Variants in ATG4B observed in about 807,000 individuals in gnomAD.
The protein encoded by ATG4B is cysteine protease ATG4B.
In ATG4B, 29 loss-of-function variants were observed where a neutral mutation model predicts 56.6. That is an observed-to-expected ratio of 0.51 (90% CI 0.38 to 0.70). ATG4B has a LOEUF of 0.70. Ranked by LOEUF, ATG4B falls within the 30% of genes least tolerant of loss-of-function variation. The probability of loss-of-function intolerance (pLI) is 0.00; values close to 1 mark genes in which losing one functional copy is unlikely to be tolerated. For synonymous variants in ATG4B, 224 were observed against 206.1 expected, an observed-to-expected ratio of 1.09 and a Z score of -0.74; for missense variants, 461 against 515.5, an observed-to-expected ratio of 0.89 and a Z score of 1.02.
intron 7 of ATG4B, among the ~76,000 whole-genome samples, chr2:241,660,296 A>G (rs1478592347): frequency 6.6e-6 from 1 of 152,330 alleles, no homozygotes; most frequent in East Asian, 1.9e-4. Context: ...AGGTCACCAC[A>G]CAGGTGTGTG....
intron 8 of ATG4B, 69 bp downstream of exon 8, chr2:241,666,907 C>CTCGTCGTCACGTG (rs1249537213): frequency 4.0e-6 from 6 of 1,493,514 alleles, no homozygotes; most frequent in Non-Finnish European, 5.4e-6. Context: ...TCACTTTCAG[C>CTCGTCGTCACGTG]GCATCGTCGT....
At chr2:241,660,303 T>A (rs1242394289) in intron 7 of ATG4B, among the ~76,000 whole-genome samples, 4 of 152,234 alleles carry the variant, frequency 2.6e-5, no homozygotes, top group Non-Finnish European at 5.9e-5. Context: ...CACACAGGTG[T>A]GTGCTGGGTC....
rs573649855 is a variant in ATG4B, at chr2:241,671,609, C to T, written c.1108+204C>T. ...GCGCCCAGCAGCCCAGGACCCACCTCGTCTTCCCCACCAGCGCTGCCTGCC... is the reference window on the plus strand; with the variant it reads ...GCGCCCAGCAGCCCAGGACCCACCTTGTCTTCCCCACCAGCGCTGCCTGCC... On this transcript the variant is annotated intron_variant, in intron 12 of 12. Transcript: ENST00000404914. 178 of 1,496,700 alleles carry T rather than the reference C, an allele frequency of 1.2e-4. No homozygotes were observed. The African/African-American group carries it at 2.0e-3, about 17-fold the overall frequency. 92.7% of individuals were successfully genotyped at this position (1,496,700 alleles called of 1,614,324 possible).
chr2:241,668,141 A>G lies in ATG4B; in HGVS notation c.733-2A>G. 2 of 1,595,884 alleles carry G rather than the reference A, an allele frequency of 1.3e-6. No individual in the cohort carries two copies. Among genetic ancestry groups the G allele is most frequent in the Non-Finnish European group, 8.5e-7 (1 of 1,171,884 alleles). On this transcript the variant is annotated splice_acceptor_variant, in intron 8 of 12. Coordinates refer to ENST00000404914, the MANE Select transcript of ATG4B (RefSeq NM_013325.5). LOFTEE classifies it high-confidence loss of function. This position sits in a 1 kb window ranked among gnomAD's most constrained non-coding sequence, Gnocchi z 4.2. ...TGTGCTCAGTCCCCCGCCCCTCCAC[A>G]GCACTGCTTCATGATGCCCCAGTCC...
rs1025609271 is a variant in ATG4B at position 241,672,581 on chromosome 2, C to T, written c.*317C>T. On this transcript the variant is annotated 3_prime_UTR_variant, in exon 13 of 13. Coordinates refer to ENST00000404914, the MANE Select transcript of ATG4B (RefSeq NM_013325.5). The stretch of plus-strand genomic sequence containing the variant: ...GGCCTCAGTCCCACTTGCTCCCAGG[C>T]GCCGGTTCTGTGGTTGGTTTGGAAT... The T allele has an allele frequency of 1.6e-5, 6 of 381,820 alleles. No individual in the cohort carries two copies. Among genetic ancestry groups the T allele is most frequent in the South Asian group, 1.1e-4 (3 of 26,478 alleles). 23.7% of individuals were successfully genotyped at this position (381,820 alleles called of 1,614,324 possible).
Position 241,671,333 on chromosome 2 carries a change from C to T in ATG4B, c.1036C>T (p.Leu346=), listed in dbSNP as rs1166556958. Residue 346 remains leucine, a synonymous_variant, in exon 12 of 13, where the codon CTG becomes TTG. Coordinates refer to ENST00000404914, the MANE Select transcript of ATG4B (RefSeq NM_013325.5). The part of the protein sequence containing the change: ...VKKLSLLGGA[L]PMFELVELQP... Reference sequence around the variant, plus strand: ...ACAGCTGTCTCTGCTTGGAGGTGCCCTGCCCATGTTTGAGCTGGTGGAGCT... The same window carrying T: ...ACAGCTGTCTCTGCTTGGAGGTGCCTTGCCCATGTTTGAGCTGGTGGAGCT... 1.1e-5 allele frequency: 17 copies of T among 1,613,428 alleles called. No homozygotes were observed. Among genetic ancestry groups the T allele is most frequent in the Non-Finnish European group, 1.4e-5 (16 of 1,179,772 alleles).
In ATG4B at chr2:241,671,553, T is replaced by C. The variant is rs1209828862; in HGVS notation, c.1108+148T>C. 4.0e-5 allele frequency: 62 copies of C among 1,535,820 alleles called. No individual in the cohort carries two copies. In the Admixed American group the frequency reaches 1.2e-3, roughly 30 times the overall value. ...GCAGTGGTTCGCCTGTGAGACCAGGTATGGAGTGGAGCGTCCCCTCCTCCA... is the reference window on the plus strand; with the variant it reads ...GCAGTGGTTCGCCTGTGAGACCAGGCATGGAGTGGAGCGTCCCCTCCTCCA... On this transcript the variant is annotated intron_variant, in intron 12 of 12. Coordinates refer to ENST00000404914, the MANE Select transcript of ATG4B (RefSeq NM_013325.5).
rs1464856062 is a variant in ATG4B, at chr2:241,664,002, GTTTCACCATA to G, written c.539-2633_539-2624del. On this transcript the variant is annotated intron_variant, in intron 7 of 12. Coordinates refer to ENST00000404914, the MANE Select transcript of ATG4B (RefSeq NM_013325.5). ...TTTTTTGTATTTTAGTGGAGATGGG[GTTTCACCATA>G]TTTCACCATGTTGGCCAGGATGGTC... 4.6e-5 allele frequency among the ~76,000 whole-genome samples: 7 copies of G among 152,012 alleles called. No homozygotes were observed. In the East Asian group the frequency reaches 5.8e-4, roughly 13 times the overall value.
At position 241,671,330 on chromosome 2, in the gene ATG4B, G is replaced by A; in HGVS notation, c.1033G>A (p.Ala345Thr). Residue 345 changes from alanine to threonine, a missense_variant, in exon 12 of 13, where the codon GCC becomes ACC. Ala to Thr is a moderately conservative substitution (Grantham distance 58). Coordinates refer to ENST00000404914, the MANE Select transcript of ATG4B (RefSeq NM_013325.5). Reference sequence around the variant, plus strand: ...CTAACAGCTGTCTCTGCTTGGAGGTGCCCTGCCCATGTTTGAGCTGGTGGA... The same window carrying A: ...CTAACAGCTGTCTCTGCTTGGAGGTACCCTGCCCATGTTTGAGCTGGTGGA... ...QVKKLSLLGGALPMFELVELQ... is the reference protein window; with the variant it reads ...QVKKLSLLGGTLPMFELVELQ... 1 of 1,613,432 alleles carries A rather than the reference G, an allele frequency of 6.2e-7. No homozygotes were observed. The highest frequency in any genetic ancestry group is 1.1e-5 in the South Asian group (1 of 90,886).
rs964433564 is a variant in ATG4B, at chr2:241,668,996, C to T, written c.957+311C>T. The T allele has an allele frequency of 1.8e-5, 7 of 379,614 alleles. No individual in the cohort carries two copies. The highest frequency in any genetic ancestry group is 1.3e-4 in the African/African-American group (6 of 46,324). 23.5% of individuals were successfully genotyped at this position (379,614 alleles called of 1,614,324 possible). On this transcript the variant is annotated intron_variant, in intron 10 of 12. Coordinates refer to ENST00000404914, the MANE Select transcript of ATG4B (RefSeq NM_013325.5). This position sits in a 1 kb window ranked among gnomAD's most constrained non-coding sequence, Gnocchi z 4.2. The stretch of plus-strand genomic sequence containing the variant: ...TGAGTGTGAGCCATGGTGAGTGTGT[C>T]CCCCTCACACCTACATTTAAACACA...
intron 5 of ATG4B, 96 bp downstream of exon 5, chr2:241,654,743 G>A: frequency 1.0e-6 from 1 of 987,226 alleles, no homozygotes; most frequent in Non-Finnish European, 1.6e-6. Flanking sequence ...GTCGTGGGAT[G>A]TGGAGCAGGA....
At position 241,651,178 on chromosome 2, in the gene ATG4B, G is replaced by T; in HGVS notation, c.112+67G>T. ...CCTGCAGAAGCATTTTGTGATCACT[G>T]TTCTCTGCTAACTCTGCCATAACTT... On this transcript the variant is annotated intron_variant, in intron 2 of 12. Coordinates refer to ENST00000404914, the MANE Select transcript of ATG4B (RefSeq NM_013325.5). This position sits in a 1 kb window ranked among gnomAD's most constrained non-coding sequence, Gnocchi z 4.1. 6.4e-7 allele frequency: 1 copy of T among 1,559,968 alleles called. No individual in the cohort carries two copies. Among genetic ancestry groups the T allele is most frequent in the Non-Finnish European group, 8.7e-7 (1 of 1,144,122 alleles).
intron 12 of ATG4B, 186 bp from the exon 13 acceptor site, chr2:241,672,000 CCTCTT>C: frequency 7.0e-7 from 1 of 1,422,228 alleles, no homozygotes; most frequent in East Asian, 2.6e-5. Context: ...CTGCCCTGCT[CCTCTT>C]CTCTGCTCCC....
Position 241,654,576 on chromosome 2 carries a change from C to T in ATG4B, c.314C>T (p.Pro105Leu). The T allele has an allele frequency of 6.2e-7, 1 of 1,601,164 alleles. No individual in the cohort carries two copies. Among genetic ancestry groups the T allele is most frequent in the Non-Finnish European group, 8.5e-7 (1 of 1,173,894 alleles). ...DWRWTQRKRQ[P>L]DSYFSVLNAF... ...AGGTGGACACAAAGGAAGAGGCAGC[C>T]AGACAGCTACTTCAGCGTCCTCAAC... The change falls in exon 5 of 13, where the codon CCA becomes CTA. Residue 105 changes from proline (P) to leucine (L), a missense_variant. Physicochemically the swap from Pro to Leu is moderately conservative, Grantham distance 98. Coordinates refer to ENST00000404914, the MANE Select transcript of ATG4B (RefSeq NM_013325.5).
intron 12 of ATG4B, 69 bp from the exon 13 acceptor site, chr2:241,672,122 A>G: frequency 6.5e-7 from 1 of 1,541,284 alleles, no homozygotes. Context: ...GCCCCACGCC[A>G]AGGGCCCTTG....
At chr2:241,662,726 C>G (rs550391807) in intron 7 of ATG4B, among the ~76,000 whole-genome samples, 4 of 152,338 alleles carry the variant, frequency 2.6e-5, no homozygotes, top group South Asian at 2.1e-4. Context: ...AACATAACTT[C>G]AAAATCAGTA....
At chr2:241,671,446 G>A (rs775819006) in intron 12 of ATG4B, 41 bp downstream of exon 12, 18 of 1,606,698 alleles carry the variant, frequency 1.1e-5, no homozygotes, top group East Asian at 2.2e-5. Flanking sequence ...TCGGAGGTAC[G>A]ATCTGTGCCC....
intron 7 of ATG4B, among the ~76,000 whole-genome samples, chr2:241,664,596 A>G (rs191877427): frequency 2.7e-3 from 413 of 152,262 alleles, no homozygotes; most frequent in Non-Finnish European, 4.4e-3. Context: ...GCTCCTACCC[A>G]TAATCGCACC....
rs1034351131 is a variant in ATG4B, at chr2:241,672,776, T to C, written c.*512T>C. 6.0e-6 allele frequency: 1 copy of C among 166,342 alleles called. No homozygotes were observed. The highest frequency in any genetic ancestry group is 1.3e-5 in the Non-Finnish European group (1 of 75,562). 10.3% of individuals were successfully genotyped at this position (166,342 alleles called of 1,614,324 possible). ...GGGGGGCGCGCCCACCGCTGTGTCC[T>C]CTCTGCCCAGCCTGGCTTACCAAGG... On this transcript the variant is annotated 3_prime_UTR_variant, in exon 13 of 13. Coordinates refer to ENST00000404914, the MANE Select transcript of ATG4B (RefSeq NM_013325.5).
Sources: gnomAD v4.1 joint callset for allele counts (sites outside exome capture counted in the v4.1 genomes callset) on GRCh38, gnomAD v4.1.1 for gene constraint, Gnocchi (gnomAD v3.1) non-coding constraint, MANE v1.5 for transcripts, NCBI Gene and HGNC (gene_info 2026-07-23, HGNC 2026-07-21) for gene names.